Variants in LHFPL3 observed in about 807,000 individuals in gnomAD.
The protein encoded by LHFPL3 is LHFPL tetraspan subfamily member 3 protein.
Under a neutral mutation model 19.3 loss-of-function variants are expected in LHFPL3, and 5 were observed. That is an observed-to-expected ratio of 0.26 (90% CI 0.14 to 0.54). LHFPL3 has a LOEUF of 0.54. Among genes scored for constraint, LHFPL3 ranks in the 20% least tolerant of loss-of-function variants. The probability of loss-of-function intolerance (pLI) is 0.94; values close to 1 mark genes in which losing one functional copy is unlikely to be tolerated. For missense variants in LHFPL3, 249 were observed against 307.4 expected (o/e 0.81, Z 1.42); for synonymous variants, 133 against 126.2 (o/e 1.05, Z -0.36).
chr7:104,405,366 G>A (rs1022437447), intron 1 of LHFPL3, among the ~76,000 whole-genome samples: 3 of 152,072 alleles, frequency 2.0e-5, no homozygotes, highest in African/African-American at 7.2e-5. Context: ...TAAAATATTT[G>A]TCATTGCCTA....
intron 1 of LHFPL3, among the ~76,000 whole-genome samples, chr7:104,373,897 T>C (rs1312986739): frequency 1.3e-5 from 2 of 152,148 alleles, no homozygotes; most frequent in African/African-American, 4.8e-5. Flanking sequence ...CTTTGCAGGA[T>C]CATTTCAAGA....
chr7:104,832,852 C>T, intron 2 of LHFPL3, among the ~76,000 whole-genome samples: 1 of 145,118 alleles, frequency 6.9e-6, no homozygotes, highest in Admixed American at 7.2e-5. Context: ...TGGCATGTGC[C>T]TATAGTCTCA....
chr7:104,461,312 C>T (rs903553533), intron 1 of LHFPL3, among the ~76,000 whole-genome samples: 2 of 152,170 alleles, frequency 1.3e-5, no homozygotes, highest in Non-Finnish European at 2.9e-5. Flanking sequence ...GGGATTATTA[C>T]AATTCAAGAT....
chr7:104,765,698 C>T lies in LHFPL3; in HGVS notation c.682+28787C>T, dbSNP rs552587944. ...AATTCTAACTTTCTGCAAGATACTC[C>T]GTTGTTTCTCCCATGATGACCTTGT... On this transcript the variant is annotated intron_variant, in intron 2 of 2. Transcript: ENST00000424859. Among the ~76,000 whole-genome samples, 19 of 152,298 alleles carry T rather than the reference C, an allele frequency of 1.2e-4. No homozygotes were observed. In the East Asian group the frequency reaches 3.3e-3, roughly 26 times the overall value.
intron 2 of LHFPL3, among the ~76,000 whole-genome samples, chr7:104,772,959 G>T (rs1217378559): frequency 2.0e-5 from 3 of 152,320 alleles, no homozygotes; most frequent in Middle Eastern, 6.8e-3. Flanking sequence ...TGCAAGAGAT[G>T]TGCTTGCTGA....
chr7:104,528,506 T>C (rs924692177), intron 1 of LHFPL3, among the ~76,000 whole-genome samples: 3 of 152,110 alleles, frequency 2.0e-5, no homozygotes, highest in African/African-American at 7.2e-5. Context: ...ATGTGATGCA[T>C]ACAGAATGAT....
chr7:104,604,693 A>G (rs182632438), intron 1 of LHFPL3, among the ~76,000 whole-genome samples: 1 of 152,368 alleles, frequency 6.6e-6, no homozygotes, highest in Admixed American at 6.5e-5. Context: ...GAACTCTGAA[A>G]TAAGCTCCTC....
intron 1 of LHFPL3, among the ~76,000 whole-genome samples, chr7:104,643,048 C>T (rs1791865690): frequency 6.6e-6 from 1 of 152,106 alleles, no homozygotes; most frequent in Non-Finnish European, 1.5e-5. Context: ...CTTTTGTTTT[C>T]TATATTTTTC....
rs1169308686 is a variant in LHFPL3 at position 104,835,577 on chromosome 7, TGTTTTC to T, written c.683-70609_683-70604del. On this transcript the variant is annotated intron_variant, in intron 2 of 2. Transcript: ENST00000424859. ...ACAAAATTCCTGTTCTCCAGAACTT[TGTTTTC>T]TTTTTTTTTTTTTGAGATGAAGACA... Among the ~76,000 whole-genome samples the T allele has an allele frequency of 9.0e-3, 849 of 94,278 alleles. 20 individuals are homozygous for T. The highest frequency in any genetic ancestry group is 0.026 in the African/African-American group (814 of 31,566). The allele number at this position is 94,278 out of a possible 152,430, so 61.9% of individuals were successfully genotyped here.
chr7:104,800,394 A>G (rs1790220722), intron 2 of LHFPL3, among the ~76,000 whole-genome samples: 1 of 152,038 alleles, frequency 6.6e-6, no homozygotes, highest in Non-Finnish European at 1.5e-5. Flanking sequence ...ACCTCTCCAA[A>G]CACTCCTAAC....
At chr7:104,476,676 G>T (rs1339041204) in intron 1 of LHFPL3, among the ~76,000 whole-genome samples, 2 of 151,984 alleles carry the variant, frequency 1.3e-5, no homozygotes, top group Non-Finnish European at 2.9e-5. Context: ...GTCAGGCTGG[G>T]CTTGAACTCC....
chr7:104,532,318 C>CTTTTTTTTTTTTTTTTTTTTT (rs71155504), intron 1 of LHFPL3, among the ~76,000 whole-genome samples: 2 of 87,232 alleles, frequency 2.3e-5, no homozygotes, highest in Admixed American at 1.6e-4. Context: ...TTCTTTCTGT[C>CTTTTTTTTTTTTTTTTTTTTT]TTTTTTTTTT....
At chr7:104,752,317 T>C (rs542543306) in intron 2 of LHFPL3, among the ~76,000 whole-genome samples, 8 of 152,238 alleles carry the variant, frequency 5.3e-5, no homozygotes, top group Non-Finnish European at 1.2e-4. Context: ...TCTGGGATTT[T>C]TTCCTTGTCT....
rs1022063728 is a variant in LHFPL3, at chr7:104,568,546, A to G, written c.446-168129A>G. ...TTAATACTAGGTCTTGGATCATCTC[A>G]CTCCCAGTCTACTGTTCTTTCCATT... On this transcript the variant is annotated intron_variant, in intron 1 of 2. Transcript: ENST00000424859. 4.6e-5 allele frequency among the ~76,000 whole-genome samples: 7 copies of G among 152,176 alleles called. 1 individual carries two copies. In the South Asian group the frequency reaches 8.3e-4, roughly 18 times the overall value.
intron 1 of LHFPL3, among the ~76,000 whole-genome samples, chr7:104,566,864 G>A (rs142350877): frequency 1.3e-5 from 2 of 152,214 alleles, no homozygotes; most frequent in East Asian, 1.9e-4. Flanking sequence ...TCAAATCTAG[G>A]TTCATGAGGT....
At chr7:104,764,654 A>C (rs564630825) in intron 2 of LHFPL3, among the ~76,000 whole-genome samples, 1 of 152,262 alleles carries the variant, frequency 6.6e-6, no homozygotes, top group East Asian at 1.9e-4. Context: ...TACAGTTTAC[A>C]TGACTTACCC....
At chr7:104,643,492 G>T (rs540245023) in intron 1 of LHFPL3, among the ~76,000 whole-genome samples, 55 of 152,224 alleles carry the variant, frequency 3.6e-4, no homozygotes, top group African/African-American at 1.3e-3. Context: ...GTATATTTTT[G>T]TATGGATTTT....
intron 1 of LHFPL3, among the ~76,000 whole-genome samples, chr7:104,408,682 A>T (rs1265181645): frequency 6.6e-6 from 1 of 152,112 alleles, no homozygotes; most frequent in Non-Finnish European, 1.5e-5. Context: ...AAACAGTAAA[A>T]AGGTTACACT....
intron 1 of LHFPL3, among the ~76,000 whole-genome samples, chr7:104,450,970 G>A (rs1792425765): frequency 6.6e-6 from 1 of 152,090 alleles, no homozygotes; most frequent in South Asian, 2.1e-4. Context: ...AATGGATGTG[G>A]CTCCTACAAA....
Sources: gnomAD v4.1 joint callset for allele counts (sites outside exome capture counted in the v4.1 genomes callset) on GRCh38, gnomAD v4.1.1 for gene constraint, MANE v1.5 for transcripts, NCBI Gene and HGNC (gene_info 2026-07-23, HGNC 2026-07-21) for gene names.